The following WNT16 variants were observed in gnomAD, a reference collection of about 807,000 sequenced individuals.
The protein encoded by WNT16 is Wnt family member 16.
In WNT16, 20 loss-of-function variants were observed where a neutral mutation model predicts 35.4. That is an observed-to-expected ratio of 0.56 (90% CI 0.40 to 0.82). WNT16 has a LOEUF of 0.82. WNT16 is among the 40% of genes least tolerant of loss of function. WNT16 has a pLI of 0.00. For synonymous variants in WNT16, 180 were observed against 179.2 expected (o/e 1.00, Z -0.03); for missense variants, 461 against 466.0 (o/e 0.99, Z 0.10).
chr7:121,333,114 A>T (rs893691417), intron 3 of WNT16, among the ~76,000 whole-genome samples: 27 of 152,062 alleles, frequency 1.8e-4, no homozygotes, highest in Admixed American at 4.6e-4. Flanking sequence ...TCTTGTAAAT[A>T]TTCAATAACT....
At chr7:121,327,130 C>T (rs1793257817), upstream of WNT16, among the ~76,000 whole-genome samples, 1 of 152,306 alleles carries the variant, frequency 6.6e-6, no homozygotes. Context: ...TTCAGAGAGG[C>T]CACTAGCCGT....
chr7:121,325,424 C>T, upstream of WNT16: 1 of 1,609,852 alleles, frequency 6.2e-7, no homozygotes, highest in Non-Finnish European at 8.5e-7. Context: ...CCATGCAGCT[C>T]ACCACTTGCC....
At chr7:121,330,432 G>GA in intron 2 of WNT16, among the ~76,000 whole-genome samples, 1 of 152,338 alleles carries the variant, frequency 6.6e-6, no homozygotes, top group South Asian at 2.1e-4. Context: ...CGCGGCGCGG[G>GA]AAGCTGCAGG....
chr7:121,329,920 C>CTT (rs1793312244), intron 2 of WNT16, 103 bp downstream of exon 2: 1 of 1,480,998 alleles, frequency 6.8e-7, no homozygotes, highest in African/African-American at 1.4e-5. Context: ...CTGTAGCTCT[C>CTT]TAAGTTCCAG....
chr7:121,335,484 AC>A (rs2116840658), intron 3 of WNT16, among the ~76,000 whole-genome samples: 1 of 152,220 alleles, frequency 6.6e-6, no homozygotes, highest in South Asian at 2.1e-4. Context: ...AGTTAACAAA[AC>A]ATTCCTCTGT....
intron 2 of WNT16, 60 bp from the exon 3 acceptor site, chr7:121,331,617 TC>T (rs1793347130): frequency 1.3e-6 from 2 of 1,514,650 alleles, no homozygotes; most frequent in Non-Finnish European, 9.0e-7. Flanking sequence ...TAGGAGGCTT[TC>T]TTCTGAACAT....
upstream of WNT16, among the ~76,000 whole-genome samples, chr7:121,327,137 C>G (rs555177957): frequency 6.6e-6 from 1 of 152,194 alleles, no homozygotes; most frequent in East Asian, 1.9e-4. Context: ...AGGCCACTAG[C>G]CGTTAGCCAA....
intron 3 of WNT16, among the ~76,000 whole-genome samples, chr7:121,333,749 G>A (rs1793391209): frequency 2.0e-5 from 3 of 151,932 alleles, no homozygotes; most frequent in Non-Finnish European, 4.4e-5. Context: ...ACGAGTGTTT[G>A]TTATCAACAG....
chr7:121,332,021 A>G, intron 3 of WNT16, 57 bp downstream of exon 3: 1 of 1,580,146 alleles, frequency 6.3e-7, no homozygotes, highest in Admixed American at 1.7e-5. Context: ...AATAACTAGG[A>G]TTACACATCT....
chr7:121,327,551 T>C (rs1156465227), upstream of WNT16, among the ~76,000 whole-genome samples: 1 of 152,072 alleles, frequency 6.6e-6, no homozygotes, highest in Non-Finnish European at 1.5e-5. Context: ...GGTTTCACCA[T>C]GTTGGCCATG....
In WNT16 at chr7:121,339,290, G is replaced by C; in HGVS notation, c.1043G>C (p.Cys348Ser). Residue 348 changes from cysteine to serine, a missense_variant, in exon 4 of 4, where the codon TGC becomes TCC. Transcript: ENST00000222462. ...TGTGAGTGTAAGTTCATCTGGTGCT[G>C]CTATGTCCGTTGCAGGAGGTGTGAA... ...ERCECKFIWCCYVRCRRCESM... is the reference protein window; with the variant it reads ...ERCECKFIWCSYVRCRRCESM... The C allele has an allele frequency of 1.9e-6, 3 of 1,614,054 alleles. No individual in the cohort carries two copies. Among genetic ancestry groups the C allele is most frequent in the Non-Finnish European group, 2.5e-6 (3 of 1,180,016 alleles).
chr7:121,330,714 G>GAAAAAAAAAAAAAAAAAAAA (rs11371537), intron 2 of WNT16, among the ~76,000 whole-genome samples: 1 of 88,194 alleles, frequency 1.1e-5, no homozygotes. Context: ...CCCGTAGAGA[G>GAAAAAAAAAAAAAAAAAAAA]AAAAAAAAAA....
At chr7:121,335,528 G>A (rs1327721916) in intron 3 of WNT16, among the ~76,000 whole-genome samples, 1 of 151,172 alleles carries the variant, frequency 6.6e-6, no homozygotes, top group African/African-American at 2.5e-5. Context: ...AACTCAACTA[G>A]AGTAGAGAAA....
Position 121,329,306 on chromosome 7 carries a change from C to A in WNT16, c.14C>A (p.Ala5Glu). The A allele has an allele frequency of 6.3e-7, 1 of 1,577,888 alleles. No individual in the cohort carries two copies. The change falls in exon 1 of 4, where the codon GCG (alanine) becomes GAG (glutamate). Residue 5 changes from alanine (A) to glutamate (E), a missense_variant. Ala to Glu is a moderately radical substitution (Grantham distance 107). Transcript: ENST00000222462. MDRA[A>E]LLGLARLCAL... ...CATGCGGGGGCGATGGACAGGGCGG[C>A]GCTCCTGGGACTGGCCCGCTTGTGC...
Position 121,337,636 on chromosome 7 carries a change from G to C in WNT16, c.634-1245G>C, listed in dbSNP as rs191874880. 9.0e-4 allele frequency among the ~76,000 whole-genome samples: 137 copies of C among 152,284 alleles called. 2 individuals carry two copies. Among genetic ancestry groups the C allele is most frequent in the Admixed American group, 6.5e-3 (100 of 15,304 alleles). On this transcript the variant is annotated intron_variant, in intron 3 of 3. Coordinates refer to ENST00000222462, the MANE Select transcript of WNT16 (RefSeq NM_057168.2). ...TTAATCTGTTCTGCCATCGTCTGGGGATTGAAGGAAGCTATGCTGGCTAGC... is the reference window on the plus strand; with the variant it reads ...TTAATCTGTTCTGCCATCGTCTGGGCATTGAAGGAAGCTATGCTGGCTAGC...
Position 121,338,997 on chromosome 7 carries a change from G to A in WNT16, c.750G>A (p.Lys250=). 6.2e-7 allele frequency: 1 copy of A among 1,613,614 alleles called. No individual in the cohort carries two copies. The highest frequency in any genetic ancestry group is 8.5e-7 in the Non-Finnish European group (1 of 1,179,912). The change falls in exon 4 of 4, where the codon AAG becomes AAA. Residue 250 remains lysine, a synonymous_variant. Coordinates refer to ENST00000222462, the MANE Select transcript of WNT16 (RefSeq NM_057168.2). ...SSFEKIGHLL[K]DKYENSIQIS... ...TTGAAAAGATTGGCCATTTGTTGAA[G>A]GATAAATATGAAAACAGTATCCAGA...
In WNT16 at chr7:121,339,267, T is replaced by G. The variant is rs1793491641; in HGVS notation, c.1020T>G (p.Cys340Trp). The change falls in exon 4 of 4, where the codon TGT becomes TGG. Residue 340 changes from cysteine (C) to tryptophan (W), a missense_variant. Cys to Trp is a radical substitution (Grantham distance 215). Transcript: ENST00000222462. ...NTHVVRHVER[C>W]ECKFIWCCYV... ...ATGTGGTCAGGCACGTGGAGAGGTG[T>G]GAGTGTAAGTTCATCTGGTGCTGCT... 6.2e-7 allele frequency: 1 copy of G among 1,614,134 alleles called. No homozygotes were observed. Among genetic ancestry groups the G allele is most frequent in the African/African-American group, 1.3e-5 (1 of 75,046 alleles).
At chr7:121,332,571 C>T (rs1195576737) in intron 3 of WNT16, among the ~76,000 whole-genome samples, 1 of 152,062 alleles carries the variant, frequency 6.6e-6, no homozygotes, top group Non-Finnish European at 1.5e-5. Flanking sequence ...TTTAAATCGA[C>T]TTTTTAGTGG....
In WNT16 at chr7:121,329,288, G is replaced by A; in HGVS notation, c.-5G>A. The A allele has an allele frequency of 4.5e-6, 7 of 1,561,044 alleles. No homozygotes were observed. Among genetic ancestry groups the A allele is most frequent in the Non-Finnish European group, 6.1e-6 (7 of 1,153,106 alleles). On this transcript the variant is annotated 5_prime_UTR_variant, in exon 1 of 4. Coordinates refer to ENST00000222462, the MANE Select transcript of WNT16 (RefSeq NM_057168.2). ...GGCTGGGCTGGGGGACTCCATGCGG[G>A]GGCGATGGACAGGGCGGCGCTCCTG...
Sources: allele counts gnomAD v4.1 joint callset (sites outside exome capture counted in the v4.1 genomes callset), GRCh38; gene constraint gnomAD v4.1.1; transcripts MANE v1.5; gene names NCBI Gene and HGNC (gene_info 2026-07-23, HGNC 2026-07-21).